CCDC122: variants seen among roughly 807,000 people sequenced by gnomAD.
CCDC122 encodes coiled-coil domain-containing protein 122.
In CCDC122, 38 loss-of-function variants were observed where a neutral mutation model predicts 37.0. The observed-to-expected ratio is 1.03, with a 90% CI of 0.79 to 1.35. The LOEUF (loss-of-function observed/expected upper bound fraction) is 1.35, where lower values mean the gene tolerates loss of function less well. CCDC122 is among the 40% of genes most tolerant of loss of function. The probability of loss-of-function intolerance (pLI) is 0.00; values close to 1 mark genes in which losing one functional copy is unlikely to be tolerated. For missense variants in CCDC122, 305 were observed against 310.0 expected (o/e 0.98, Z 0.12); for synonymous variants, 83 against 95.6 (o/e 0.87, Z 0.77).
intron 6 of CCDC122, among the ~76,000 whole-genome samples, chr13:43,850,149 T>C (rs1953675895): frequency 6.6e-6 from 1 of 152,032 alleles, no homozygotes; most frequent in Non-Finnish European, 1.5e-5. Flanking sequence ...GACTAGTCTT[T>C]CCCCCTTCCA....
In CCDC122 at chr13:43,859,655, T is replaced by C. The variant is rs775026401; in HGVS notation, c.555+17A>G. On this transcript the variant is annotated intron_variant, in intron 5 of 6. Coordinates refer to ENST00000444614, the MANE Select transcript of CCDC122 (RefSeq NM_144974.5). ...GGAGTAATAGAAAAAATAGTTTTACTAAGTAATTTTGCACACCTGTACTTG... is the reference window on the plus strand; with the variant it reads ...GGAGTAATAGAAAAAATAGTTTTACCAAGTAATTTTGCACACCTGTACTTG... 1.0e-5 allele frequency: 15 copies of C among 1,449,940 alleles called. No homozygotes were observed. Among genetic ancestry groups the C allele is most frequent in the Non-Finnish European group, 1.3e-5 (14 of 1,100,824 alleles). The allele number at this position is 1,449,940 out of a possible 1,614,324, so 89.8% of individuals were successfully genotyped here.
At chr13:43,857,919 T>A (rs552159809) in intron 6 of CCDC122, among the ~76,000 whole-genome samples, 19 of 152,014 alleles carry the variant, frequency 1.2e-4, no homozygotes, top group Admixed American at 2.6e-4. Context: ...AAAGAAAAAA[T>A]AATAATAATA....
chr13:43,835,645 G>C (rs1953143720), downstream of CCDC122, among the ~76,000 whole-genome samples: 2 of 152,040 alleles, frequency 1.3e-5, no homozygotes, highest in South Asian at 4.1e-4. Context: ...TTAAAAACAA[G>C]TTTTTGAATC....
At chr13:43,843,377 T>G (rs190818670) in intron 6 of CCDC122, among the ~76,000 whole-genome samples, 128 of 152,190 alleles carry the variant, frequency 8.4e-4, no homozygotes, top group African/African-American at 3.0e-3. Context: ...TGTTTGAAAG[T>G]TGAATCAGCC....
At chr13:43,840,626 C>T (rs7991393) in intron 6 of CCDC122, among the ~76,000 whole-genome samples, 134,019 of 151,904 alleles carry the variant, frequency 0.88, 59,825 homozygotes, top group South Asian at 0.98. Context: ...GGAGTGAGAA[C>T]ATGCGGTGTT....
chr13:43,844,419 T>A (rs751027265), intron 6 of CCDC122, among the ~76,000 whole-genome samples: 1 of 152,016 alleles, frequency 6.6e-6, no homozygotes, highest in Non-Finnish European at 1.5e-5. Flanking sequence ...TAATCTAGTA[T>A]ATGGTGTGTC....
At chr13:43,820,175 A>T (rs1158034341), downstream of CCDC122, among the ~76,000 whole-genome samples, 1 of 152,212 alleles carries the variant, frequency 6.6e-6, no homozygotes, top group Non-Finnish European at 1.5e-5. Flanking sequence ...ATTGTCAAAA[A>T]TACAGTAGAA....
chr13:43,833,468 A>T (rs756293237), downstream of CCDC122, among the ~76,000 whole-genome samples: 8 of 152,216 alleles, frequency 5.3e-5, no homozygotes, highest in Non-Finnish European at 8.8e-5. Flanking sequence ...TTGCTGAGCC[A>T]TTAAAAGCAC....
Position 43,859,864 on chromosome 13 carries a change from G to T in CCDC122, c.363C>A (p.His121Gln). The T allele has an allele frequency of 6.2e-7, 1 of 1,603,518 alleles. No individual in the cohort carries two copies. The highest frequency in any genetic ancestry group is 8.5e-7 in the Non-Finnish European group (1 of 1,175,748). ...IETAQEDFEE[H>Q]MIKYNAYYAK... Reference sequence around the variant, plus strand: ...CATAATATGCATTATATTTTATCATGTGTTCCTCAAAATCTTCTTGGGCTG... The same window carrying T: ...CATAATATGCATTATATTTTATCATTTGTTCCTCAAAATCTTCTTGGGCTG... The change falls in exon 5 of 7, where the codon CAC becomes CAA. Residue 121 changes from histidine to glutamine, a missense_variant. By Grantham distance (24) the His-to-Gln change is conservative (BLOSUM62 0). Transcript: ENST00000444614.
intron 4 of CCDC122, among the ~76,000 whole-genome samples, chr13:43,864,006 G>A (rs1027322821): frequency 6.6e-6 from 1 of 152,006 alleles, no homozygotes; most frequent in Non-Finnish European, 1.5e-5. Flanking sequence ...TTCATTTTGA[G>A]TTAATTTTTG....
chr13:43,841,929 A>G (rs1346131944), intron 6 of CCDC122, among the ~76,000 whole-genome samples: 4 of 151,770 alleles, frequency 2.6e-5, no homozygotes, highest in East Asian at 3.9e-4. Flanking sequence ...CTGGTCTTCA[A>G]CTCCTGGGCT....
At chr13:43,878,409 G>C (rs930844560) in intron 1 of CCDC122, among the ~76,000 whole-genome samples, 1 of 152,222 alleles carries the variant, frequency 6.6e-6, no homozygotes. Flanking sequence ...CTGGTGCTAG[G>C]GTTATTGAAG....
Position 43,867,072 on chromosome 13 carries a change from T to G in CCDC122, c.156+1622A>C, listed in dbSNP as rs74862830. Among the ~76,000 whole-genome samples, 992 of 152,272 alleles carry G rather than the reference T, an allele frequency of 6.5e-3. 37 individuals are homozygous for G. In the South Asian group the frequency reaches 0.098, roughly 15 times the overall value. The stretch of plus-strand genomic sequence containing the variant: ...GCTGGTTGTAGAATTTATGTAGATG[T>G]TCTTCCTTAGACCAAGGAAGTTCCC... On this transcript the variant is annotated intron_variant, in intron 4 of 6. Transcript: ENST00000444614.
chr13:43,876,614 T>C (rs2091942297), intron 1 of CCDC122, among the ~76,000 whole-genome samples: 1 of 152,248 alleles, frequency 6.6e-6, no homozygotes, highest in Non-Finnish European at 1.5e-5. Context: ...AATCTGCCTA[T>C]TTCTGCTCCT....
Position 43,858,802 on chromosome 13 carries a change from T to C in CCDC122, c.651A>G (p.Glu217=). 7.0e-7 allele frequency: 1 copy of C among 1,424,258 alleles called. No homozygotes were observed. Among genetic ancestry groups the C allele is most frequent in the Non-Finnish European group, 9.5e-7 (1 of 1,055,240 alleles). 88.2% of individuals were successfully genotyped at this position (1,424,258 alleles called of 1,614,324 possible). ...TTACCTCTATTTCTTTTCTTAATTT[T>C]TCATGTGTCTTTTTTTCTTCCTCAA... ...CFLEEEKKTH[E]KLRKEIEVQH... Residue 217 remains glutamate, a synonymous_variant, in exon 6 of 7, where the codon GAA becomes GAG. Coordinates refer to ENST00000444614, the MANE Select transcript of CCDC122 (RefSeq NM_144974.5).
chr13:43,865,577 T>C (rs931647299), intron 4 of CCDC122, among the ~76,000 whole-genome samples: 1 of 152,196 alleles, frequency 6.6e-6, no homozygotes, highest in Non-Finnish European at 1.5e-5. Flanking sequence ...ATAAAAGTTA[T>C]GTGAATGTGG....
At chr13:43,858,289 A>C (rs185855088) in intron 6 of CCDC122, 1 of 152,382 alleles carries the variant, frequency 6.6e-6, no homozygotes, top group East Asian at 1.9e-4. Context: ...GCAGCACCAC[A>C]ACACATTATG....
In CCDC122 at chr13:43,845,823, AT is replaced by A. The variant is rs781647150; in HGVS notation, c.673-8395del. Among the ~76,000 whole-genome samples the A allele has an allele frequency of 4.6e-5, 7 of 152,136 alleles. No individual in the cohort carries two copies. In the East Asian group the frequency reaches 7.7e-4, roughly 17 times the overall value. On this transcript the variant is annotated intron_variant, in intron 6 of 6. Coordinates refer to ENST00000444614, the MANE Select transcript of CCDC122 (RefSeq NM_144974.5). Reference sequence around the variant, plus strand: ...TCAATACATTTTAAAAATTCAACTTATTTTTTTAGTTCTAAGATTTCCATTT... The same window carrying A: ...TCAATACATTTTAAAAATTCAACTTATTTTTTAGTTCTAAGATTTCCATTT...
chr13:43,828,651 T>C (rs1953062183), intron 3 of CCDC122, among the ~76,000 whole-genome samples: 2 of 152,046 alleles, frequency 1.3e-5, no homozygotes, highest in South Asian at 4.1e-4. Context: ...AATTACATCA[T>C]ATTTATTCTT....
Sources: gnomAD v4.1 joint callset for allele counts (sites outside exome capture counted in the v4.1 genomes callset) on GRCh38, gnomAD v4.1.1 for gene constraint, MANE v1.5 for transcripts, NCBI Gene and HGNC (gene_info 2026-07-23, HGNC 2026-07-21) for gene names.